ALDH1L1: variants seen among roughly 807,000 people sequenced by gnomAD.
The protein encoded by ALDH1L1 is aldehyde dehydrogenase 1 family member L1, also known as cytosolic 10-formyltetrahydrofolate dehydrogenase.
A neutral mutation model predicts 101.1 loss-of-function variants in ALDH1L1; 68 were observed. That is an observed-to-expected ratio of 0.67 (90% CI 0.55 to 0.82). The LOEUF (loss-of-function observed/expected upper bound fraction) is 0.82, where lower values mean the gene tolerates loss of function less well. ALDH1L1 is among the 40% of genes least tolerant of loss of function. The probability of loss-of-function intolerance (pLI) is 0.00; values close to 1 mark genes in which losing one functional copy is unlikely to be tolerated. For synonymous variants in ALDH1L1, 486 were observed against 470.8 expected (o/e 1.03, Z -0.42); for missense variants, 1,087 against 1,172.7 (o/e 0.93, Z 1.07).
At chr3:126,159,361 T>C (rs1389301871) in intron 2 of ALDH1L1, 2 of 449,758 alleles carry the variant, frequency 4.4e-6, no homozygotes, top group Non-Finnish European at 8.9e-6. Context: ...AGTTAAAGCG[T>C]CCTCCTTTAT....
chr3:126,134,535 C>T (rs1384755690), intron 12 of ALDH1L1, among the ~76,000 whole-genome samples: 2 of 152,212 alleles, frequency 1.3e-5, no homozygotes, highest in Non-Finnish European at 2.9e-5. Context: ...GGGACTGGAA[C>T]CTATGAAAGG....
At chr3:126,152,137 G>A (rs2108282340) in intron 7 of ALDH1L1, 1 of 152,420 alleles carries the variant, frequency 6.6e-6, no homozygotes, top group African/African-American at 2.4e-5. Context: ...AAGAGGCCGA[G>A]GGATTATGCC....
At chr3:126,136,707 G>A in intron 11 of ALDH1L1, 57 bp downstream of exon 11, 1 of 1,549,870 alleles carries the variant, frequency 6.5e-7, no homozygotes, top group South Asian at 1.2e-5. Context: ...TGGGGGCAGG[G>A]AAGGAAGGAC....
chr3:126,108,757 C>A (rs759614620), intron 20 of ALDH1L1, among the ~76,000 whole-genome samples: 2 of 152,152 alleles, frequency 1.3e-5, no homozygotes, highest in Non-Finnish European at 2.9e-5. Context: ...ATGCATGGAG[C>A]CCAAGAAAGC....
intron 18 of ALDH1L1, among the ~76,000 whole-genome samples, chr3:126,113,404 C>T (rs1326713453): frequency 6.6e-6 from 1 of 152,190 alleles, no homozygotes; most frequent in African/African-American, 2.4e-5. Context: ...GCCCAGGGAA[C>T]TCCTGGCAGG....
chr3:126,136,401 C>T (rs1265389186), intron 11 of ALDH1L1, among the ~76,000 whole-genome samples: 1 of 152,122 alleles, frequency 6.6e-6, no homozygotes, highest in Non-Finnish European at 1.5e-5. Flanking sequence ...AGAAGAATGT[C>T]CTAACGGTGG....
Position 126,117,108 on chromosome 3 carries a change from G to A in ALDH1L1, c.1982+897C>T, listed in dbSNP as rs1225504532. Among the ~76,000 whole-genome samples the A allele has an allele frequency of 2.0e-5, 3 of 151,812 alleles. No homozygotes were observed. In the South Asian group the frequency reaches 6.3e-4, roughly 32 times the overall value. On this transcript the variant is annotated intron_variant, in intron 17 of 22. Transcript: ENST00000393434. ...AAAATTTAAAAACTTATCCAGGTAT[G>A]GTGGCACGTGTCTGTAGTCCCAGCT...
At chr3:126,153,417 G>A in intron 7 of ALDH1L1, 27 bp downstream of exon 7, 1 of 1,611,576 alleles carries the variant, frequency 6.2e-7, no homozygotes, top group Non-Finnish European at 8.5e-7. Flanking sequence ...CTTTGAGCAG[G>A]CAAGTGACCC....
At chr3:126,153,646 G>C (rs1470376122) in intron 6 of ALDH1L1, 65 bp from the exon 7 acceptor site, 19 of 1,559,494 alleles carry the variant, frequency 1.2e-5, no homozygotes, top group Non-Finnish European at 3.5e-6. Context: ...AGTAGCCCAG[G>C]CAGGTCTGAG....
Position 126,162,280 on chromosome 3 carries a change from G to A in ALDH1L1, c.-23-1278C>T, listed in dbSNP as rs9818596. 9.3e-3 allele frequency among the ~76,000 whole-genome samples: 1,409 copies of A among 152,254 alleles called. 18 individuals carry two copies. The highest frequency in any genetic ancestry group is 0.033 in the African/African-American group (1,363 of 41,544). ...GTGAAAATTTCCAGCTTTAACAGAC[G>A]CTGCCAGTTTTCCAGAGTGGTTGTA... is the stretch of plus-strand genomic sequence containing the variant. On this transcript the variant is annotated intron_variant, in intron 1 of 22. Transcript: ENST00000393434.
chr3:126,138,551 G>A lies in ALDH1L1; in HGVS notation c.1077-591C>T, dbSNP rs192383783. ...AGACACTCAACATCATTAGGCACTG[G>A]GGAAATGCAAATTAAAACCACAATG... On this transcript the variant is annotated intron_variant, in intron 9 of 22. Coordinates refer to ENST00000393434, the MANE Select transcript of ALDH1L1 (RefSeq NM_012190.4). Among the ~76,000 whole-genome samples the A allele has an allele frequency of 1.1e-3, 170 of 152,222 alleles. 1 individual carries two copies. The highest frequency in any genetic ancestry group is 8.9e-3 in the South Asian group (43 of 4,820).
At chr3:126,126,678 G>A (rs2080193620) in intron 14 of ALDH1L1, among the ~76,000 whole-genome samples, 1 of 152,198 alleles carries the variant, frequency 6.6e-6, no homozygotes, top group Admixed American at 6.5e-5. Context: ...GAACGGGGCT[G>A]AGGGGAGCTC....
chr3:126,107,053 C>T (rs547481123), intron 21 of ALDH1L1, 88 bp downstream of exon 21: 28 of 1,252,360 alleles, frequency 2.2e-5, no homozygotes, highest in South Asian at 1.6e-4. Flanking sequence ...CCTGACTGCC[C>T]GTAGACTACC....
chr3:126,139,707 G>A (rs750699056), intron 9 of ALDH1L1, among the ~76,000 whole-genome samples: 9 of 152,060 alleles, frequency 5.9e-5, no homozygotes, highest in Non-Finnish European at 8.8e-5. Flanking sequence ...TGAGAATATC[G>A]AAGTGACAGA....
intron 1 of ALDH1L1, among the ~76,000 whole-genome samples, chr3:126,194,128 A>G (rs888853244): frequency 6.6e-6 from 1 of 152,236 alleles, no homozygotes; most frequent in Non-Finnish European, 1.5e-5. Context: ...CAATATAAAT[A>G]GTAATTTGGT....
At chr3:126,167,497 C>T (rs568230410) in intron 1 of ALDH1L1, among the ~76,000 whole-genome samples, 8 of 152,214 alleles carry the variant, frequency 5.3e-5, no homozygotes, top group South Asian at 2.1e-4. Flanking sequence ...AGTAAGAATA[C>T]TATCTCTATA....
chr3:126,181,064 G>A, upstream of ALDH1L1: 1 of 1,517,882 alleles, frequency 6.6e-7, no homozygotes, highest in African/African-American at 1.4e-5. Context: ...CATCCGGGTG[G>A]ATAGCGGCGC....
chr3:126,177,601 G>A (rs1164288213), intron 1 of ALDH1L1, among the ~76,000 whole-genome samples: 1 of 152,166 alleles, frequency 6.6e-6, no homozygotes, highest in Non-Finnish European at 1.5e-5. Context: ...TTAGGGCAGT[G>A]AAACTATTCT....
intron 1 of ALDH1L1, among the ~76,000 whole-genome samples, chr3:126,175,473 A>G (rs915402122): frequency 3.9e-5 from 6 of 152,174 alleles, no homozygotes; most frequent in Admixed American, 3.9e-4. Flanking sequence ...CAAAAAAATC[A>G]GCAATTGAAT....
Sources: gnomAD v4.1 joint callset for allele counts (sites outside exome capture counted in the v4.1 genomes callset) on GRCh38, gnomAD v4.1.1 for gene constraint, MANE v1.5 for transcripts, NCBI Gene and HGNC (gene_info 2026-07-23, HGNC 2026-07-21) for gene names.